Variants in CDC25C observed in about 807,000 individuals in gnomAD.
CDC25C encodes cell division cycle 25C, also known as M-phase inducer phosphatase 3.
In CDC25C, 48 loss-of-function variants were observed where a neutral mutation model predicts 52.5. That is an observed-to-expected ratio of 0.91 (90% CI 0.72 to 1.16). The LOEUF is 1.16. Ranked by LOEUF, CDC25C falls within the 50% of genes most tolerant of loss-of-function variation. The pLI, the probability that CDC25C is intolerant of heterozygous loss-of-function variation, is 0.00. For missense variants in CDC25C, 510 were observed against 566.1 expected (o/e 0.90, Z 1.01); for synonymous variants, 187 against 206.5 (o/e 0.91, Z 0.81).
At chr5:138,304,450 A>G (rs1002180273) in intron 7 of CDC25C, among the ~76,000 whole-genome samples, 19 of 148,224 alleles carry the variant, frequency 1.3e-4, no homozygotes, top group African/African-American at 4.8e-4. Flanking sequence ...GGCTACCACC[A>G]ACTGTAGCTA....
chr5:138,337,901 A>G, intron 1 of CDC25C: 1 of 1,217,750 alleles, frequency 8.2e-7, no homozygotes, highest in Admixed American at 2.5e-5. Flanking sequence ...ACCGAGTGGG[A>G]GGCTGCAGTT....
At chr5:138,333,939 AT>A (rs765375535), upstream of CDC25C, among the ~76,000 whole-genome samples, 1,919 of 144,740 alleles carry the variant, frequency 0.013, 6 homozygotes, top group Non-Finnish European at 0.017. Flanking sequence ...TCTTAAGAGT[AT>A]TTTTTTTTTT....
chr5:138,331,261 T>G, intron 1 of CDC25C, 43 bp from the exon 2 acceptor site: 2 of 1,330,604 alleles, frequency 1.5e-6, no homozygotes, highest in East Asian at 4.6e-5. Context: ...CACAGTTCCC[T>G]CAGCTTTCCT....
rs141494813 is a variant in CDC25C at position 138,307,413 on chromosome 5, GC to G, written c.615+11805del. On this transcript the variant is annotated intron_variant, in intron 7 of 13. Coordinates refer to ENST00000323760, the MANE Select transcript of CDC25C (RefSeq NM_001790.5). ...AGGCTGAGATGGAAGAATCGCCTGA[GC>G]CCAGGAGGTTGTGACCTGCAGTGAG... Among the ~76,000 whole-genome samples the G allele has an allele frequency of 1.5e-3, 206 of 140,414 alleles. 1 individual carries two copies. The highest frequency in any genetic ancestry group is 5.0e-3 in the African/African-American group (189 of 37,760). 92.1% of individuals were successfully genotyped at this position (140,414 alleles called of 152,430 possible).
intron 7 of CDC25C, among the ~76,000 whole-genome samples, chr5:138,292,504 C>CA (rs1756830606): frequency 1.1e-5 from 1 of 88,184 alleles, no homozygotes. Flanking sequence ...AAAAAAAAAA[C>CA]ATAAGTCCAT....
At chr5:138,321,483 G>A (rs1580796623) in intron 6 of CDC25C, among the ~76,000 whole-genome samples, 1 of 152,066 alleles carries the variant, frequency 6.6e-6, no homozygotes, top group African/African-American at 2.4e-5. Flanking sequence ...GCCAGGCGCG[G>A]TGGCTCATGC....
chr5:138,318,451 C>T (rs750677209), intron 7 of CDC25C, among the ~76,000 whole-genome samples: 1 of 152,174 alleles, frequency 6.6e-6, no homozygotes, highest in South Asian at 2.1e-4. Context: ...TGGTGGCTCA[C>T]GCTTGCAATC....
intron 10 of CDC25C, among the ~76,000 whole-genome samples, chr5:138,289,132 T>C (rs1756502949): frequency 6.6e-6 from 1 of 152,084 alleles, no homozygotes; most frequent in Non-Finnish European, 1.5e-5. Context: ...GCCTGGTTAA[T>C]TTTTTTGTAT....
chr5:138,330,753 C>A (rs931718303), intron 2 of CDC25C, among the ~76,000 whole-genome samples: 2 of 152,220 alleles, frequency 1.3e-5, no homozygotes, highest in African/African-American at 4.8e-5. Flanking sequence ...AGGCGATCCG[C>A]CCTCCTTGGC....
chr5:138,285,658 G>C lies in CDC25C; in HGVS notation c.*34C>G. 1 of 1,606,334 alleles carries C rather than the reference G, an allele frequency of 6.2e-7. No individual in the cohort carries two copies. Among genetic ancestry groups the C allele is most frequent in the Non-Finnish European group, 8.5e-7 (1 of 1,175,048 alleles). Reference sequence around the variant, plus strand: ...GCTCAGGGTTTCTGCAGTGTCTTTTGGTGACTTGTTAGCAGCCAGTGGCTG... The same window carrying C: ...GCTCAGGGTTTCTGCAGTGTCTTTTCGTGACTTGTTAGCAGCCAGTGGCTG... On this transcript the variant is annotated 3_prime_UTR_variant, in exon 14 of 14. Coordinates refer to ENST00000323760, the MANE Select transcript of CDC25C (RefSeq NM_001790.5).
chr5:138,296,544 G>A (rs542258440), intron 7 of CDC25C, among the ~76,000 whole-genome samples: 31 of 151,894 alleles, frequency 2.0e-4, no homozygotes, highest in African/African-American at 5.1e-4. Context: ...CTGAGTAGCT[G>A]GGATCACAAA....
At chr5:138,296,906 CTTTTTTTT>C (rs1300029259) in intron 7 of CDC25C, among the ~76,000 whole-genome samples, 6 of 80,166 alleles carry the variant, frequency 7.5e-5, no homozygotes, top group Admixed American at 1.5e-4. Context: ...CGCCCGGCCA[CTTTTTTTT>C]TTTTTTTTTT....
intron 7 of CDC25C, among the ~76,000 whole-genome samples, chr5:138,318,671 C>A (rs545427734): frequency 3.9e-4 from 60 of 152,024 alleles, no homozygotes; most frequent in African/African-American, 1.4e-3. Context: ...GCCAAGATGG[C>A]GCCACTGCAC....
chr5:138,305,537 G>C (rs1757943785), intron 7 of CDC25C, among the ~76,000 whole-genome samples: 1 of 152,122 alleles, frequency 6.6e-6, no homozygotes, highest in East Asian at 1.9e-4. Context: ...GAGTAGCTAG[G>C]ACTACAGGGG....
Position 138,287,077 on chromosome 5 carries a change from T to C in CDC25C, c.1026+92A>G, listed in dbSNP as rs1260333481. 3 of 819,204 alleles carry C rather than the reference T, an allele frequency of 3.7e-6. No homozygotes were observed. In the African/African-American group the frequency reaches 5.1e-5, roughly 14 times the overall value. 50.7% of individuals were successfully genotyped at this position (819,204 alleles called of 1,614,324 possible). The stretch of plus-strand genomic sequence containing the variant: ...TCAAATATGTAATCTTTGTCCTGAC[T>C]CTAGAGTTCATAGACCCCTTTGTCC... On this transcript the variant is annotated intron_variant, in intron 11 of 13. Coordinates refer to ENST00000323760, the MANE Select transcript of CDC25C (RefSeq NM_001790.5).
intron 6 of CDC25C, among the ~76,000 whole-genome samples, chr5:138,321,012 C>A (rs895205198): frequency 4.7e-5 from 7 of 147,946 alleles, no homozygotes; most frequent in Admixed American, 2.0e-4. Flanking sequence ...GGAGAATAAT[C>A]AGAGCCCGGG....
chr5:138,287,362 G>T, intron 10 of CDC25C, 95 bp from the exon 11 acceptor site: 2 of 788,654 alleles, frequency 2.5e-6, no homozygotes, highest in Non-Finnish European at 4.3e-6. Context: ...CTCCTGTTCT[G>T]TCCACTGTAT....
At chr5:138,289,611 G>C in intron 9 of CDC25C, 48 bp from the exon 10 acceptor site, 1 of 1,470,300 alleles carries the variant, frequency 6.8e-7, no homozygotes, top group Non-Finnish European at 9.5e-7. Context: ...CCACACCCAA[G>C]TTTGAGATCA....
intron 7 of CDC25C, among the ~76,000 whole-genome samples, chr5:138,308,940 A>G (rs759021241): frequency 3.9e-5 from 6 of 152,126 alleles, no homozygotes; most frequent in Non-Finnish European, 1.5e-5. Flanking sequence ...GACAACAGTC[A>G]TATTTCAGGG....
Sources: gnomAD v4.1 joint callset for allele counts (sites outside exome capture counted in the v4.1 genomes callset) on GRCh38, gnomAD v4.1.1 for gene constraint, MANE v1.5 for transcripts, NCBI Gene and HGNC (gene_info 2026-07-23, HGNC 2026-07-21) for gene names.